Variants in SMAP1 observed in about 807,000 individuals in gnomAD.
SMAP1 encodes small ArfGAP 1.
A neutral mutation model predicts 58.5 loss-of-function variants in SMAP1; 24 were observed. The observed-to-expected ratio is 0.41, with a 90% confidence interval of 0.30 to 0.58. SMAP1 has a LOEUF of 0.58. Ranked by LOEUF, SMAP1 falls within the 20% of genes least tolerant of loss-of-function variation. The pLI is 0.29. For missense variants in SMAP1, 563 were observed against 566.3 expected (o/e 0.99, Z 0.06); for synonymous variants, 216 against 196.6 (o/e 1.10, Z -0.82).
intron 7 of SMAP1, chr6:70,837,845 C>T: frequency 1.6e-6 from 2 of 1,270,652 alleles, no homozygotes; most frequent in South Asian, 2.7e-5. Context: ...AGTTGACCTT[C>T]ATGTACTGCT....
At chr6:70,855,913 G>C (rs915995048) in intron 8 of SMAP1, among the ~76,000 whole-genome samples, 7 of 152,142 alleles carry the variant, frequency 4.6e-5, no homozygotes, top group Admixed American at 2.0e-4. Flanking sequence ...TACAATTCTT[G>C]CTTAGTCATA....
At chr6:70,670,929 G>T (rs1256524656) in intron 1 of SMAP1, among the ~76,000 whole-genome samples, 3 of 152,218 alleles carry the variant, frequency 2.0e-5, no homozygotes, top group Non-Finnish European at 4.4e-5. Context: ...GATGGCATAG[G>T]CGCCAGTTTC....
rs1766199567 is a variant in SMAP1 at position 70,670,021 on chromosome 6, A to C, written c.118+1880A>C. ...ATCATGTACTTCTTAAATTAGGATC[A>C]AAAGTTTTACTTCTTTGGACCTGAA... is the stretch of plus-strand genomic sequence containing the variant. On this transcript the variant is annotated intron_variant, in intron 1 of 10. Transcript: ENST00000370455. Among the ~76,000 whole-genome samples, 7 of 152,106 alleles carry C rather than the reference A, an allele frequency of 4.6e-5. No homozygotes were observed. In the South Asian group the frequency reaches 1.4e-3, roughly 31 times the overall value.
At chr6:70,798,564 T>C in intron 5 of SMAP1, 93 bp from the exon 6 acceptor site, 1 of 929,026 alleles carries the variant, frequency 1.1e-6, no homozygotes, top group Non-Finnish European at 1.6e-6. Context: ...TATTTCTACC[T>C]TTTTCAGATG....
chr6:70,669,613 A>G (rs1267708918), intron 1 of SMAP1, among the ~76,000 whole-genome samples: 1 of 152,206 alleles, frequency 6.6e-6, no homozygotes, highest in Non-Finnish European at 1.5e-5. Flanking sequence ...CACTGTGTTT[A>G]GGCTCAGTTG....
chr6:70,778,256 T>C (rs971053431), intron 4 of SMAP1, among the ~76,000 whole-genome samples: 3 of 152,158 alleles, frequency 2.0e-5, no homozygotes, highest in African/African-American at 7.2e-5. Context: ...TTGAATAAGA[T>C]TGGTGAAAGT....
At chr6:70,772,756 G>A (rs1001412743) in intron 3 of SMAP1, among the ~76,000 whole-genome samples, 1 of 152,102 alleles carries the variant, frequency 6.6e-6, no homozygotes, top group African/African-American at 2.4e-5. Flanking sequence ...GGATAAAATT[G>A]GCCACTGTTC....
intron 2 of SMAP1, among the ~76,000 whole-genome samples, chr6:70,735,459 A>G (rs1765583482): frequency 6.6e-6 from 1 of 152,210 alleles, no homozygotes; most frequent in South Asian, 2.1e-4. Context: ...TTCATATGAT[A>G]TTTTATAATA....
intron 4 of SMAP1, among the ~76,000 whole-genome samples, chr6:70,789,998 TG>T (rs1378025737): frequency 6.6e-6 from 1 of 152,244 alleles, no homozygotes; most frequent in Admixed American, 6.5e-5. Flanking sequence ...ATTATCTTGC[TG>T]CTTTCTAAGG....
intron 3 of SMAP1, among the ~76,000 whole-genome samples, chr6:70,770,527 C>T (rs1327573629): frequency 6.6e-6 from 1 of 152,200 alleles, no homozygotes. Flanking sequence ...ACCCTTTCTT[C>T]CAGTTGATTG....
intron 6 of SMAP1, among the ~76,000 whole-genome samples, chr6:70,813,151 T>C (rs537664170): frequency 2.6e-5 from 4 of 152,264 alleles, no homozygotes; most frequent in Non-Finnish European, 4.4e-5. Context: ...CCCAATTTAA[T>C]GTTGTATTAT....
chr6:70,765,448 T>TA (rs1165057777), intron 3 of SMAP1, among the ~76,000 whole-genome samples: 2 of 152,314 alleles, frequency 1.3e-5, no homozygotes, highest in East Asian at 3.9e-4. Flanking sequence ...GTTATATACA[T>TA]ACATTTAAGG....
Position 70,667,947 on chromosome 6 carries a change from G to C in SMAP1, c.-77G>C, listed in dbSNP as rs1411757095. 2 of 1,316,546 alleles carry C rather than the reference G, an allele frequency of 1.5e-6. No homozygotes were observed. The highest frequency in any genetic ancestry group is 2.1e-6 in the Non-Finnish European group (2 of 957,512). 81.6% of individuals were successfully genotyped at this position (1,316,546 alleles called of 1,614,324 possible). On this transcript the variant is annotated 5_prime_UTR_variant, in exon 1 of 11. Transcript: ENST00000370455. ...CCGCCCGCGGTCCCGGCGGCGCCAG[G>C]TGCGTTCACTCTGCCCGGCTCCAGC...
rs1195032139 is a variant in SMAP1 at position 70,791,845 on chromosome 6, G to A, written c.495+76G>A. 3.7e-5 allele frequency: 46 copies of A among 1,239,704 alleles called. No homozygotes were observed. In the Middle Eastern group the frequency reaches 7.6e-4, roughly 20 times the overall value. The allele number at this position is 1,239,704 out of a possible 1,614,324, so 76.8% of individuals were successfully genotyped here. A position where few individuals can be genotyped will look rare whatever the true frequency, so the allele number is the denominator to read the frequency against. ...AACTTCCTTTTGCAGTGTGTCATTC[G>A]GGAACACTATAATAGTTGTTGATAT... On this transcript the variant is annotated intron_variant, in intron 5 of 10. Coordinates refer to ENST00000370455, the MANE Select transcript of SMAP1 (RefSeq NM_001044305.3).
chr6:70,738,458 A>G (rs1240607735), intron 2 of SMAP1, among the ~76,000 whole-genome samples: 1 of 36,060 alleles, frequency 2.8e-5, no homozygotes, highest in East Asian at 3.6e-4. Context: ...TTCTATTAAG[A>G]AAAAAAAAAA....
intron 2 of SMAP1, among the ~76,000 whole-genome samples, chr6:70,753,223 A>G (rs1341797386): frequency 6.6e-6 from 1 of 152,198 alleles, no homozygotes; most frequent in Non-Finnish European, 1.5e-5. Flanking sequence ...TCCTATTTCA[A>G]AGACGTTAAA....
chr6:70,788,121 T>TA (rs1467868779), intron 4 of SMAP1, among the ~76,000 whole-genome samples: 1 of 151,742 alleles, frequency 6.6e-6, no homozygotes, highest in African/African-American at 2.4e-5. Context: ...TATGCAGCCA[T>TA]AAAAAATGAT....
chr6:70,825,578 A>T (rs978284794), intron 6 of SMAP1, among the ~76,000 whole-genome samples: 1 of 152,170 alleles, frequency 6.6e-6, no homozygotes, highest in Non-Finnish European at 1.5e-5. Flanking sequence ...CTGAGAGGTG[A>T]CTGGGCATTT....
chr6:70,755,135 T>G lies in SMAP1; in HGVS notation c.338+70T>G. On this transcript the variant is annotated intron_variant, in intron 3 of 10. Transcript: ENST00000370455. The stretch of plus-strand genomic sequence containing the variant: ...TCATTTTTACAGTTCATATTTTATC[T>G]GTTAGTATTTAGGAAGATGTGAACT... The G allele has an allele frequency of 4.1e-6, 5 of 1,213,658 alleles. No homozygotes were observed. In the South Asian group the frequency reaches 6.7e-5, roughly 16 times the overall value. The allele number at this position is 1,213,658 out of a possible 1,614,324, so 75.2% of individuals were successfully genotyped here. A position where few individuals can be genotyped will look rare whatever the true frequency, so the allele number is the denominator to read the frequency against.
Sources: gnomAD v4.1 joint callset for allele counts (sites outside exome capture counted in the v4.1 genomes callset) on GRCh38, gnomAD v4.1.1 for gene constraint, MANE v1.5 for transcripts, NCBI Gene and HGNC (gene_info 2026-07-23, HGNC 2026-07-21) for gene names.